Variants in CD55 observed in about 807,000 individuals in gnomAD.
CD55 encodes the protein complement decay-accelerating factor.
In CD55, 41 loss-of-function variants were observed where a neutral mutation model predicts 45.8. That is an observed-to-expected ratio of 0.90 (90% CI 0.70 to 1.16). The LOEUF is 1.16. CD55 is among the 50% of genes most tolerant of loss of function. The probability of loss-of-function intolerance (pLI) is 0.00; values close to 1 mark genes in which losing one functional copy is unlikely to be tolerated. For synonymous variants in CD55, 181 were observed against 181.1 expected, an observed-to-expected ratio of 1.00 and a Z score of 0.01; for missense variants, 416 against 469.8, an observed-to-expected ratio of 0.89 and a Z score of 1.06.
rs1655320606 is a variant in CD55, at chr1:207,339,381, T to C, written c.1061-16T>C. 2 of 1,600,040 alleles carry C rather than the reference T, an allele frequency of 1.2e-6. No homozygotes were observed. The highest frequency in any genetic ancestry group is 1.7e-5 in the Admixed American group (1 of 57,188). ...AAATTTTTGTTGTTAATCCTTTTTT[T>C]CCCCTTCGTCTGTAGGTACTACCCG... On this transcript the variant is annotated splice_polypyrimidine_tract_variant and intron_variant, in intron 8 of 9. Coordinates refer to ENST00000367064, the MANE Select transcript of CD55 (RefSeq NM_000574.5).
chr1:207,322,523 G>C lies in CD55; in HGVS notation c.242G>C (p.Cys81Ser). 6.2e-7 allele frequency: 1 copy of C among 1,614,092 alleles called. No homozygotes were observed. The change falls in exon 2 of 10, where the codon TGC becomes TCC. Residue 81 changes from cysteine to serine, a missense_variant. Transcript: ENST00000367064. ...CCTGGCGAGAAGGACTCAGTGATCT[G>C]CCTTAAGGGCAGTCAATGGTCAGAT... The part of the protein sequence containing the change: ...KIPGEKDSVI[C>S]LKGSQWSDIE...
Position 207,326,828 on chromosome 1 carries a change from G to C in CD55, c.655G>C (p.Glu219Gln), listed in dbSNP as rs1246273613. The C allele has an allele frequency of 6.2e-7, 1 of 1,612,472 alleles. No homozygotes were observed. The highest frequency in any genetic ancestry group is 1.3e-5 in the African/African-American group (1 of 74,998). ...SSVQWSDPLP[E>Q]CREIYCPAPP... is the part of the protein sequence containing the mutation. ...TGTCCAGTGGAGTGACCCGTTGCCA[G>C]AGTGCAGAGGTAAGAGTTAAAAAAT... The change falls in exon 5 of 10, where the codon GAG becomes CAG. Residue 219 changes from glutamate to glutamine, a missense_variant. Physicochemically the swap from Glu to Gln is conservative, Grantham distance 29 (BLOSUM62 2). Transcript: ENST00000367064.
At chr1:207,357,517 A>G (rs1572905414) in intron 9 of CD55, among the ~76,000 whole-genome samples, 1 of 142,792 alleles carries the variant, frequency 7.0e-6, no homozygotes, top group African/African-American at 2.6e-5. Flanking sequence ...CAATTTACCA[A>G]AGCTACTGCT....
chr1:207,328,429 A>G (rs1654783686), intron 5 of CD55, among the ~76,000 whole-genome samples: 1 of 152,212 alleles, frequency 6.6e-6, no homozygotes, highest in Non-Finnish European at 1.5e-5. Flanking sequence ...GCTTCACCTC[A>G]AGTATGTAGC....
intron 9 of CD55, among the ~76,000 whole-genome samples, chr1:207,357,723 A>T (rs1317547542): frequency 6.6e-6 from 1 of 152,106 alleles, no homozygotes; most frequent in African/African-American, 2.4e-5. Flanking sequence ...TGGAACATCG[A>T]AGGAGGGAAT....
intron 5 of CD55, among the ~76,000 whole-genome samples, chr1:207,329,064 A>G (rs1654814600): frequency 6.6e-6 from 1 of 152,212 alleles, no homozygotes; most frequent in African/African-American, 2.4e-5. Context: ...AGAGGTGAGT[A>G]TATCAGCAGG....
At chr1:207,334,536 G>A (rs1469537029) in intron 6 of CD55, among the ~76,000 whole-genome samples, 1 of 152,040 alleles carries the variant, frequency 6.6e-6, no homozygotes, top group Non-Finnish European at 1.5e-5. Flanking sequence ...GAATACAAAT[G>A]CACAATAACA....
chr1:207,331,293 A>G lies in CD55; in HGVS notation c.850A>G (p.Arg284Gly). Residue 284 changes from arginine (R) to glycine (G), a missense_variant, in exon 6 of 10, where the codon AGA becomes GGA. Physicochemically the swap from Arg to Gly is moderately radical, Grantham distance 125. Transcript: ENST00000367064. Reference sequence around the variant, plus strand: ...GTGGAGTGGCCCACCACCTGAATGCAGAGGTAATCACTTTGGATAGTTATA... The same window carrying G: ...GTGGAGTGGCCCACCACCTGAATGCGGAGGTAATCACTTTGGATAGTTATA... ...GEWSGPPPEC[R>G]GKSLTSKVPP... is the part of the protein sequence containing the mutation. 1.2e-6 allele frequency: 2 copies of G among 1,612,110 alleles called. 1 individual carries two copies.
In CD55 at chr1:207,359,703, T is replaced by C. The variant is rs1031554334; in HGVS notation, c.*93T>C. 3.4e-6 allele frequency: 5 copies of C among 1,467,090 alleles called. No homozygotes were observed. The African/African-American group carries it at 7.4e-5, about 22-fold the overall frequency. 90.9% of individuals were successfully genotyped at this position (1,467,090 alleles called of 1,614,324 possible). A position where few individuals can be genotyped will look rare whatever the true frequency, so the allele number is the denominator to read the frequency against. On this transcript the variant is annotated 3_prime_UTR_variant, in exon 10 of 10. Transcript: ENST00000367064. ...GCATATTGGATAAAATAAATGCAAT[T>C]GTGCTCTTCATTTAGGATGCTTTCA... is the stretch of plus-strand genomic sequence containing the variant.
chr1:207,332,307 T>A (rs1654980383), intron 6 of CD55, among the ~76,000 whole-genome samples: 1 of 152,202 alleles, frequency 6.6e-6, no homozygotes, highest in South Asian at 2.1e-4. Context: ...TGATTTTTTT[T>A]ATGAACTATT....
At position 207,359,746 on chromosome 1, in the gene CD55, T is replaced by C. The variant is rs55884294; in HGVS notation, c.*136T>C. The C allele has an allele frequency of 4.3e-5, 52 of 1,209,002 alleles. 2 individuals carry two copies. In the African/African-American group the frequency reaches 6.6e-4, roughly 15 times the overall value. The allele number at this position is 1,209,002 out of a possible 1,614,324, so 74.9% of individuals were successfully genotyped here. A position where few individuals can be genotyped will look rare whatever the true frequency, so the allele number is the denominator to read the frequency against. On this transcript the variant is annotated 3_prime_UTR_variant, in exon 10 of 10. Coordinates refer to ENST00000367064, the MANE Select transcript of CD55 (RefSeq NM_000574.5). ...TGCTTTCATTGTCTTTAAGATGTGT[T>C]AGGAATGTCAACAGAGCAAGGAGAA...
At position 207,331,215 on chromosome 1, in the gene CD55, A is replaced by G. The variant is rs752723265; in HGVS notation, c.772A>G (p.Thr258Ala). 6 of 1,613,692 alleles carry G rather than the reference A, an allele frequency of 3.7e-6. No homozygotes were observed. The highest frequency in any genetic ancestry group is 1.1e-5 in the South Asian group (1 of 91,070). Residue 258 changes from threonine (T) to alanine (A), a missense_variant, in exon 6 of 10, where the codon ACC becomes GCC. By Grantham distance (58) the Thr-to-Ala change is moderately conservative. Transcript: ENST00000367064. The part of the protein sequence containing the change: ...SVTYACNKGF[T>A]MIGEHSIYCT... ...AACGTATGCATGTAATAAAGGATTCACCATGATTGGAGAGCACTCTATTTA... is the reference window on the plus strand; with the variant it reads ...AACGTATGCATGTAATAAAGGATTCGCCATGATTGGAGAGCACTCTATTTA...
At chr1:207,329,130 G>A (rs957720233) in intron 5 of CD55, among the ~76,000 whole-genome samples, 3 of 152,238 alleles carry the variant, frequency 2.0e-5, no homozygotes, top group South Asian at 2.1e-4. Context: ...GGCCCTGGAA[G>A]GGGTGTTGGC....
chr1:207,329,832 G>A (rs922184368), intron 5 of CD55, among the ~76,000 whole-genome samples: 17 of 151,838 alleles, frequency 1.1e-4, no homozygotes, highest in Admixed American at 2.6e-4. Context: ...GGCTGGTCTC[G>A]AACTCCTGGG....
intron 9 of CD55, chr1:207,358,646 A>G (rs536470173): frequency 2.0e-5 from 3 of 152,310 alleles, no homozygotes; most frequent in Admixed American, 2.0e-4. Flanking sequence ...ATAAAATTAC[A>G]TTTCTGTATC....
At chr1:207,355,725 A>C (rs563198111) in intron 9 of CD55, among the ~76,000 whole-genome samples, 1 of 152,190 alleles carries the variant, frequency 6.6e-6, no homozygotes, top group African/African-American at 2.4e-5. Context: ...TTAATGTTCA[A>C]CTTCCTTCTG....
chr1:207,354,982 G>A (rs1656021242), intron 9 of CD55, among the ~76,000 whole-genome samples: 1 of 152,140 alleles, frequency 6.6e-6, no homozygotes, highest in African/African-American at 2.4e-5. Context: ...GAAAGTGGTG[G>A]AATTAGTGGG....
rs59802019 is a variant in CD55 at position 207,327,883 on chromosome 1, G to A, written c.664+1046G>A. ...CTACTACCTTTTTTTTCTCATTGTAGTTGTTTTTAAATTTTTCATCATTGC... is the reference window on the plus strand; with the variant it reads ...CTACTACCTTTTTTTTCTCATTGTAATTGTTTTTAAATTTTTCATCATTGC... On this transcript the variant is annotated intron_variant, in intron 5 of 9. Coordinates refer to ENST00000367064, the MANE Select transcript of CD55 (RefSeq NM_000574.5). Among the ~76,000 whole-genome samples the A allele has an allele frequency of 5.5e-3, 835 of 152,154 alleles. 8 individuals are homozygous for A. Among genetic ancestry groups the A allele is most frequent in the African/African-American group, 0.018 (757 of 41,500 alleles).
intron 9 of CD55, among the ~76,000 whole-genome samples, chr1:207,357,740 A>G (rs1342531265): frequency 6.6e-6 from 1 of 152,076 alleles, no homozygotes. Flanking sequence ...GAATACAGTA[A>G]TTTCTGCTTA....
Sources: allele counts gnomAD v4.1 joint callset (sites outside exome capture counted in the v4.1 genomes callset), GRCh38; gene constraint gnomAD v4.1.1; transcripts MANE v1.5; gene names NCBI Gene and HGNC (gene_info 2026-07-23, HGNC 2026-07-21).